Variants in KCNMB2 observed in about 807,000 individuals in gnomAD.
KCNMB2 encodes the protein calcium-activated potassium channel subunit beta-2.
A neutral mutation model predicts 24.5 loss-of-function variants in KCNMB2; 9 were observed. That is an observed-to-expected ratio of 0.37 (90% confidence interval 0.22 to 0.64). The LOEUF is 0.64. Among genes scored for constraint, KCNMB2 ranks in the 30% least tolerant of loss-of-function variants. The pLI, the probability that KCNMB2 is intolerant of heterozygous loss-of-function variation, is 0.63. For synonymous variants in KCNMB2, 109 were observed against 104.4 expected (o/e 1.04, Z -0.27); for missense variants, 226 against 284.3 (o/e 0.79, Z 1.47).
At position 178,598,432 on chromosome 3, in the gene KCNMB2, A is replaced by G. The variant is rs184865121; in HGVS notation, c.-68+61721A>G. 2.1e-3 allele frequency among the ~76,000 whole-genome samples: 315 copies of G among 152,238 alleles called. 2 individuals are homozygous for G. Among genetic ancestry groups the G allele is most frequent in the African/African-American group, 7.1e-3 (297 of 41,558 alleles). Reference sequence around the variant, plus strand: ...TATTTATTTATTTGTTCACTCATTCACTCATTCATTTATGTACTCATTCTG... The same window carrying G: ...TATTTATTTATTTGTTCACTCATTCGCTCATTCATTTATGTACTCATTCTG... On this transcript the variant is annotated intron_variant, in intron 1 of 4. Transcript: ENST00000452583.
At chr3:178,545,380 T>C (rs1024820691) in intron 1 of KCNMB2, among the ~76,000 whole-genome samples, 3 of 152,194 alleles carry the variant, frequency 2.0e-5, no homozygotes, top group Non-Finnish European at 4.4e-5. Flanking sequence ...CTTTTCCTCA[T>C]TGGATTTTTC....
At chr3:178,596,182 C>T (rs1437089171) in intron 1 of KCNMB2, among the ~76,000 whole-genome samples, 1 of 152,126 alleles carries the variant, frequency 6.6e-6, no homozygotes, top group Non-Finnish European at 1.5e-5. Context: ...CTTTTGTTAA[C>T]TAAGTTTCTG....
At chr3:178,652,809 T>G (rs1043213756) in intron 1 of KCNMB2, among the ~76,000 whole-genome samples, 3 of 151,402 alleles carry the variant, frequency 2.0e-5, no homozygotes, top group African/African-American at 7.3e-5. Context: ...ATTACAAGCA[T>G]GTGCCACCAC....
chr3:178,727,039 G>A (rs961027872), intron 1 of KCNMB2, among the ~76,000 whole-genome samples: 41 of 152,050 alleles, frequency 2.7e-4, no homozygotes, highest in African/African-American at 9.4e-4. Flanking sequence ...TGCCTCCCTC[G>A]TCAGGCTGCT....
At chr3:178,636,707 C>G (rs1157770215) in intron 1 of KCNMB2, among the ~76,000 whole-genome samples, 1 of 152,238 alleles carries the variant, frequency 6.6e-6, no homozygotes, top group African/African-American at 2.4e-5. Context: ...TCGTCCTTCT[C>G]TATCATTGGA....
At position 178,837,216 on chromosome 3, in the gene KCNMB2, C is replaced by T. The variant is rs868445668; in HGVS notation, c.424-5437C>T. On this transcript the variant is annotated intron_variant, in intron 4 of 4. Coordinates refer to ENST00000452583, the MANE Select transcript of KCNMB2 (RefSeq NM_181361.3). ...AGTTTATTATGTGATGCTTGATTGA[C>T]GACTTTTAGATGATCATGTGGACAA... is the stretch of plus-strand genomic sequence containing the variant. Among the ~76,000 whole-genome samples, 5 of 152,188 alleles carry T rather than the reference C, an allele frequency of 3.3e-5. No individual in the cohort carries two copies. The South Asian group carries it at 6.2e-4, about 19-fold the overall frequency.
At chr3:178,792,619 T>C (rs186802482) in intron 1 of KCNMB2, among the ~76,000 whole-genome samples, 4 of 151,956 alleles carry the variant, frequency 2.6e-5, no homozygotes, top group African/African-American at 9.7e-5. Flanking sequence ...TCAAAAGACA[T>C]AGAGTGGCTG....
At chr3:178,745,839 AT>A (rs1400133180) in intron 1 of KCNMB2, among the ~76,000 whole-genome samples, 2 of 152,202 alleles carry the variant, frequency 1.3e-5, no homozygotes, top group Non-Finnish European at 2.9e-5. Context: ...CTTTGACTCC[AT>A]GTCTCACATC....
intron 1 of KCNMB2, among the ~76,000 whole-genome samples, chr3:178,574,496 C>G (rs1487979299): frequency 1.3e-5 from 2 of 152,228 alleles, no homozygotes; most frequent in Admixed American, 1.3e-4. Flanking sequence ...TCCACAGCCA[C>G]CATGTAATGT....
intron 1 of KCNMB2, among the ~76,000 whole-genome samples, chr3:178,631,726 C>G (rs1403758357): frequency 2.6e-5 from 4 of 152,206 alleles, no homozygotes; most frequent in Admixed American, 1.3e-4. Flanking sequence ...GGACTACTAA[C>G]TAAAATTCAA....
intron 2 of KCNMB2, among the ~76,000 whole-genome samples, chr3:178,813,010 G>C (rs1430171860): frequency 6.6e-6 from 1 of 152,068 alleles, no homozygotes; most frequent in Admixed American, 6.6e-5. Context: ...AAAAACTCTA[G>C]GGATTTTTAT....
intron 1 of KCNMB2, among the ~76,000 whole-genome samples, chr3:178,653,537 C>T (rs577881467): frequency 6.6e-6 from 1 of 152,210 alleles, no homozygotes; most frequent in Admixed American, 6.5e-5. Flanking sequence ...ACGATGTTTG[C>T]TCTAGCCTTT....
At chr3:178,585,102 T>A (rs1037484457) in intron 1 of KCNMB2, among the ~76,000 whole-genome samples, 1 of 152,226 alleles carries the variant, frequency 6.6e-6, no homozygotes, top group African/African-American at 2.4e-5. Flanking sequence ...AAATTAAAAC[T>A]CTCTGGACAG....
At chr3:178,758,165 G>GATATATATATATATATCCAAGGGGAT (rs1724255006) in intron 1 of KCNMB2, among the ~76,000 whole-genome samples, 1 of 3,778 alleles carries the variant, frequency 2.6e-4, no homozygotes, top group Non-Finnish European at 5.9e-4. Flanking sequence ...TATCCAAGAG[G>GATATATATATATATATCCAAGGGGAT]ATATATATAT....
chr3:178,806,629 T>G (rs1332313143), intron 1 of KCNMB2, among the ~76,000 whole-genome samples: 1 of 151,768 alleles, frequency 6.6e-6, no homozygotes, highest in African/African-American at 2.4e-5. Flanking sequence ...CAATAATAGC[T>G]AACTACTTTT....
chr3:178,825,601 A>T lies in KCNMB2; in HGVS notation c.70A>T (p.Lys24Ter). The change falls in exon 3 of 5, where the codon AAA (lysine) becomes TAA (stop). Residue 24 changes from lysine (K) to a stop codon, truncating the protein, a stop_gained. Coordinates refer to ENST00000452583, the MANE Select transcript of KCNMB2 (RefSeq NM_181361.3). LOFTEE classifies it high-confidence loss of function. Reference protein sequence around the residue: ...RHDEKRNIYQKIRDHDLLDKR... With the variant: ...RHDEKRNIYQ ...TTTTAACCTCAGAAATATTTACCAGAAAATCAGGGACCATGACCTCCTGGA... is the reference window on the plus strand; with the variant it reads ...TTTTAACCTCAGAAATATTTACCAGTAAATCAGGGACCATGACCTCCTGGA... 6.2e-7 allele frequency: 1 copy of T among 1,612,790 alleles called. No individual in the cohort carries two copies. Among genetic ancestry groups the T allele is most frequent in the Non-Finnish European group, 8.5e-7 (1 of 1,179,216 alleles).
At chr3:178,751,888 T>C (rs932085633) in intron 1 of KCNMB2, among the ~76,000 whole-genome samples, 2 of 152,244 alleles carry the variant, frequency 1.3e-5, no homozygotes, top group African/African-American at 4.8e-5. Context: ...CAGATGTTAC[T>C]TCTCTTAGCC....
chr3:178,751,961 G>A (rs946853212), intron 1 of KCNMB2, among the ~76,000 whole-genome samples: 1 of 152,196 alleles, frequency 6.6e-6, no homozygotes, highest in Non-Finnish European at 1.5e-5. Flanking sequence ...GCCCAAGGAA[G>A]TTAACTGGTA....
chr3:178,747,261 C>A (rs13073896), intron 1 of KCNMB2: 19,953 of 152,222 alleles, frequency 0.13, 1,410 homozygotes, highest in African/African-American at 0.15. Context: ...CAGGGGAACT[C>A]CTCTTTATAA....
Sources: allele counts gnomAD v4.1 joint callset (sites outside exome capture counted in the v4.1 genomes callset), GRCh38; gene constraint gnomAD v4.1.1; transcripts MANE v1.5; gene names NCBI Gene and HGNC (gene_info 2026-07-23, HGNC 2026-07-21).